Variants in LVRN observed in about 807,000 individuals in gnomAD.
LVRN encodes the protein laeverin, also known as aminopeptidase Q.
In LVRN, 99 loss-of-function variants were observed where a neutral mutation model predicts 111.4. That is an observed-to-expected ratio of 0.89 (90% CI 0.76 to 1.05). The LOEUF (loss-of-function observed/expected upper bound fraction) is 1.05, where lower values mean the gene tolerates loss of function less well. Among genes scored for constraint, LVRN ranks in the 50% least tolerant of loss-of-function variants. LVRN has a pLI of 0.00. For missense variants in LVRN, 1,414 were observed against 1,206.8 expected, an observed-to-expected ratio of 1.17 and a Z score of -2.54; for synonymous variants, 488 against 449.5, an observed-to-expected ratio of 1.09 and a Z score of -1.08.
rs767070665 is a variant in LVRN at position 115,987,797 on chromosome 5, A to G, written c.979-16A>G. On this transcript the variant is annotated splice_polypyrimidine_tract_variant and intron_variant, in intron 3 of 19. Transcript: ENST00000357872. ...CTACTGGTTTTCCTAATCACTGCTT[A>G]ACTGTTTTGATTTAGATACGCATCT... 1 of 1,607,320 alleles carries G rather than the reference A, an allele frequency of 6.2e-7. No individual in the cohort carries two copies.
chr5:115,997,608 G>A (rs913393818), intron 6 of LVRN, among the ~76,000 whole-genome samples: 6 of 151,502 alleles, frequency 4.0e-5, no homozygotes, highest in African/African-American at 4.9e-5. Flanking sequence ...AAGCTGCGGC[G>A]AGCTATGACC....
rs1747964096 is a variant in LVRN at position 115,990,565 on chromosome 5, A to G, written c.1106-1558A>G. Among the ~76,000 whole-genome samples the G allele has an allele frequency of 2.0e-5, 3 of 152,106 alleles. No individual in the cohort carries two copies. The South Asian group carries it at 6.2e-4, about 32-fold the overall frequency. ...ATAGTGTATTTTGGTGAACTAAAGTATTTATTTTTATGTATTCATTTTTTG... is the reference window on the plus strand; with the variant it reads ...ATAGTGTATTTTGGTGAACTAAAGTGTTTATTTTTATGTATTCATTTTTTG... On this transcript the variant is annotated intron_variant, in intron 4 of 19. Transcript: ENST00000357872.
intron 2 of LVRN, 37 bp downstream of exon 2, chr5:115,983,466 C>G: frequency 1.3e-6 from 2 of 1,545,616 alleles, no homozygotes; most frequent in Non-Finnish European, 1.7e-6. Flanking sequence ...AGCTGTCTAT[C>G]TATATAAGCT....
rs1427537801 is a variant in LVRN, at chr5:116,022,474, C to G, written c.2832+8C>G. On this transcript the variant is annotated splice_region_variant and intron_variant, in intron 19 of 19. Transcript: ENST00000357872. ...GATTTACAGATTGTGGAGGTAAGTA[C>G]TTTAAATATTATGAAATACAATGAT... The G allele has an allele frequency of 2.0e-6, 3 of 1,509,014 alleles. No individual in the cohort carries two copies. Among genetic ancestry groups the G allele is most frequent in the Middle Eastern group, 1.7e-4 (1 of 5,782 alleles). The allele number at this position is 1,509,014 out of a possible 1,614,324, so 93.5% of individuals were successfully genotyped here. A position where few individuals can be genotyped will look rare whatever the true frequency, so the allele number is the denominator to read the frequency against.
chr5:116,002,763 C>T (rs897460329), intron 10 of LVRN, 72 bp from the exon 11 acceptor site: 4 of 1,139,936 alleles, frequency 3.5e-6, no homozygotes, highest in Admixed American at 2.1e-5. Context: ...TTCATCATCT[C>T]TTTAATAGTG....
intron 11 of LVRN, 124 bp from the exon 12 acceptor site, chr5:116,003,117 T>G: frequency 9.9e-7 from 1 of 1,005,254 alleles, no homozygotes; most frequent in Non-Finnish European, 1.4e-6. Context: ...GCAATATATA[T>G]TTTAGAATTC....
Position 116,006,102 on chromosome 5 carries a change from AG to A in LVRN, c.2093+136del, listed in dbSNP as rs1169897229. ...GATTAAGATTAGGATGAAATTCTGT[AG>A]CTGCAATGGAATTTTATAATATAAT... On this transcript the variant is annotated intron_variant, in intron 13 of 19. Coordinates refer to ENST00000357872, the MANE Select transcript of LVRN (RefSeq NM_173800.5). 3.0e-5 allele frequency: 19 copies of A among 637,706 alleles called. No homozygotes were observed. In the East Asian group the frequency reaches 5.8e-4, roughly 20 times the overall value. The allele number at this position is 637,706 out of a possible 1,614,324, so 39.5% of individuals were successfully genotyped here.
chr5:116,022,491 T>C, intron 19 of LVRN, 25 bp downstream of exon 19: 1 of 1,472,028 alleles, frequency 6.8e-7, no homozygotes, highest in Non-Finnish European at 9.3e-7. Flanking sequence ...TATTATGAAA[T>C]ACAATGATAA....
At position 115,975,346 on chromosome 5, in the gene LVRN, A is replaced by G. The variant is rs183575844; in HGVS notation, c.696-7941A>G. 4.8e-3 allele frequency: 1,321 copies of G among 272,964 alleles called. 9 individuals are homozygous for G. Among genetic ancestry groups the G allele is most frequent in the Middle Eastern group, 6.6e-3 (9 of 1,366 alleles). 16.9% of individuals were successfully genotyped at this position (272,964 alleles called of 1,614,324 possible). A position where few individuals can be genotyped will look rare whatever the true frequency, so the allele number is the denominator to read the frequency against. ...CAGTCTTTTGGGAGTTGCCAATATG[A>G]TATCAACACCTTTCCTAAGGTCTTC... On this transcript the variant is annotated intron_variant, in intron 1 of 19. Transcript: ENST00000357872.
rs2112607534 is a variant in LVRN at position 116,002,839 on chromosome 5, A to T, written c.1825A>T (p.Thr609Ser). The change falls in exon 11 of 20, where the codon ACA (threonine) becomes TCA (serine). Residue 609 changes from threonine (T) to serine (S), a missense_variant. Physicochemically the swap from Thr to Ser is moderately conservative, Grantham distance 58. Transcript: ENST00000357872. The part of the protein sequence containing the change: ...KNRTLLTSND[T>S]WIVPILWIKN... Reference sequence around the variant, plus strand: ...TTTTTATTTTCTTCCAATAAGTGACACATGGATTGTCCCTATTCTTTGGAT... The same window carrying T: ...TTTTTATTTTCTTCCAATAAGTGACTCATGGATTGTCCCTATTCTTTGGAT... 1 of 1,603,550 alleles carries T rather than the reference A, an allele frequency of 6.2e-7. No homozygotes were observed. The highest frequency in any genetic ancestry group is 1.7e-5 in the Admixed American group (1 of 59,684).
intron 1 of LVRN, among the ~76,000 whole-genome samples, chr5:115,979,046 C>T (rs374002791): frequency 1.3e-5 from 2 of 152,098 alleles, no homozygotes; most frequent in East Asian, 1.9e-4. Flanking sequence ...CACCAAGCAG[C>T]GTATCTCAAA....
chr5:115,984,947 A>C (rs1420126923), intron 3 of LVRN, among the ~76,000 whole-genome samples: 1 of 152,174 alleles, frequency 6.6e-6, no homozygotes, highest in Non-Finnish European at 1.5e-5. Context: ...CATCAAGGCA[A>C]GGTCTGTGCC....
At chr5:115,972,939 T>G (rs1753358543) in intron 1 of LVRN, among the ~76,000 whole-genome samples, 1 of 152,140 alleles carries the variant, frequency 6.6e-6, no homozygotes, top group South Asian at 2.1e-4. Flanking sequence ...GCATTTTTTT[T>G]TTTTTCCAGA....
intron 1 of LVRN, among the ~76,000 whole-genome samples, chr5:115,972,810 A>G (rs1029953498): frequency 1.3e-5 from 2 of 152,296 alleles, no homozygotes; most frequent in African/African-American, 4.8e-5. Context: ...ATGATCAGGA[A>G]TGGATGTCAT....
intron 18 of LVRN, among the ~76,000 whole-genome samples, chr5:116,019,256 A>G (rs1748663658): frequency 6.6e-6 from 1 of 152,244 alleles, no homozygotes; most frequent in South Asian, 2.1e-4. Flanking sequence ...GCATTGTGCT[A>G]CAATGTTACA....
intron 1 of LVRN, chr5:115,975,151 T>C: frequency 2.3e-6 from 1 of 441,480 alleles, no homozygotes; most frequent in Non-Finnish European, 4.4e-6. Flanking sequence ...GTCAATGAAC[T>C]GAATATGGCC....
intron 2 of LVRN, among the ~76,000 whole-genome samples, chr5:115,983,648 T>A (rs1017442871): frequency 1.3e-5 from 2 of 152,174 alleles, no homozygotes; most frequent in Admixed American, 1.3e-4. Context: ...TATTACACTG[T>A]TCTTATAAAT....
Position 116,026,456 on chromosome 5 carries a change from T to G in LVRN, c.*338T>G. 1 of 321,376 alleles carries G rather than the reference T, an allele frequency of 3.1e-6. No homozygotes were observed. Among genetic ancestry groups the G allele is most frequent in the Non-Finnish European group, 5.9e-6 (1 of 170,020 alleles). 19.9% of individuals were successfully genotyped at this position (321,376 alleles called of 1,614,324 possible). A position where few individuals can be genotyped will look rare whatever the true frequency, so the allele number is the denominator to read the frequency against. ...AAGGCCAGTGGAATATAAAAATCAA[T>G]GGCATTAATGAGGAGCACATTCTTT... On this transcript the variant is annotated 3_prime_UTR_variant, in exon 20 of 20. Coordinates refer to ENST00000357872, the MANE Select transcript of LVRN (RefSeq NM_173800.5).
Position 116,026,674 on chromosome 5 carries a change from G to T in LVRN, c.*556G>T, listed in dbSNP as rs1748873942. 6.2e-6 allele frequency: 1 copy of T among 160,042 alleles called. No individual in the cohort carries two copies. The highest frequency in any genetic ancestry group is 2.4e-5 in the African/African-American group (1 of 41,502). 9.9% of individuals were successfully genotyped at this position (160,042 alleles called of 1,614,324 possible). A position where few individuals can be genotyped will look rare whatever the true frequency, so the allele number is the denominator to read the frequency against. On this transcript the variant is annotated 3_prime_UTR_variant, in exon 20 of 20. Coordinates refer to ENST00000357872, the MANE Select transcript of LVRN (RefSeq NM_173800.5). The stretch of plus-strand genomic sequence containing the variant: ...AGGAGACAATTTAACGAGCCCTAAA[G>T]GCAAGAAGTGTGTCTTCTCCTGCCC...
Sources: allele counts gnomAD v4.1 joint callset (sites outside exome capture counted in the v4.1 genomes callset), GRCh38; gene constraint gnomAD v4.1.1; transcripts MANE v1.5; gene names NCBI Gene and HGNC (gene_info 2026-07-23, HGNC 2026-07-21).